The following STK3 variants were observed in gnomAD, a reference collection of about 807,000 sequenced individuals.
The protein encoded by STK3 is serine/threonine-protein kinase 3.
In STK3, 41 loss-of-function variants were observed where a neutral mutation model predicts 58.0. That is an observed-to-expected ratio of 0.71 (90% CI 0.55 to 0.92). The LOEUF (loss-of-function observed/expected upper bound fraction) is 0.92. Ranked by LOEUF, STK3 falls within the 40% of genes least tolerant of loss-of-function variation. STK3 has a pLI of 0.00. For synonymous variants in STK3, 170 were observed against 191.0 expected, an observed-to-expected ratio of 0.89 and a Z score of 0.91; for missense variants, 479 against 602.7, an observed-to-expected ratio of 0.79 and a Z score of 2.15.
intron 4 of STK3, among the ~76,000 whole-genome samples, chr8:98,745,823 A>G (rs1411270417): frequency 1.3e-5 from 2 of 152,220 alleles, no homozygotes; most frequent in African/African-American, 2.4e-5. Flanking sequence ...ACCTGACAAC[A>G]TGGATACATT....
At chr8:98,655,329 T>G (rs1464198793) in intron 6 of STK3, among the ~76,000 whole-genome samples, 1 of 152,150 alleles carries the variant, frequency 6.6e-6, no homozygotes, top group East Asian at 1.9e-4. Flanking sequence ...TATACAAAAA[T>G]TAATTCAAGA....
chr8:98,541,152 T>C (rs565242534), intron 9 of STK3, among the ~76,000 whole-genome samples: 2 of 152,278 alleles, frequency 1.3e-5, no homozygotes, highest in East Asian at 3.9e-4. Flanking sequence ...AGGCTTTCCA[T>C]TGATTTTCTT....
chr8:98,609,261 T>G (rs1008005677), intron 6 of STK3, among the ~76,000 whole-genome samples: 2 of 152,252 alleles, frequency 1.3e-5, no homozygotes, highest in African/African-American at 4.8e-5. Context: ...ATATTTTAAA[T>G]GTTAAATAAG....
chr8:98,769,454 T>C (rs1423086105), intron 2 of STK3, among the ~76,000 whole-genome samples: 1 of 152,222 alleles, frequency 6.6e-6, no homozygotes, highest in Non-Finnish European at 1.5e-5. Flanking sequence ...CCATGTACGA[T>C]GTGACCTGAT....
chr8:98,626,579 T>C (rs1294933879), intron 6 of STK3, among the ~76,000 whole-genome samples: 1 of 152,124 alleles, frequency 6.6e-6, no homozygotes, highest in Non-Finnish European at 1.5e-5. Context: ...AGGTCAGGGG[T>C]AAGAAGGGGA....
At chr8:98,382,744 C>G (rs1209379161) in intron 1 of STK3, among the ~76,000 whole-genome samples, 1 of 152,196 alleles carries the variant, frequency 6.6e-6, no homozygotes, top group Non-Finnish European at 1.5e-5. Context: ...ACCGTCCACT[C>G]CAGCGGCCAC....
upstream of STK3, among the ~76,000 whole-genome samples, chr8:98,827,193 G>C (rs540674373): frequency 4.0e-5 from 6 of 148,768 alleles, no homozygotes; most frequent in African/African-American, 1.2e-4. Context: ...AAAGTTAGCC[G>C]GGCCTGGTGA....
intron 7 of STK3, among the ~76,000 whole-genome samples, chr8:98,591,130 A>G (rs1239372996): frequency 1.3e-5 from 2 of 152,158 alleles, no homozygotes; most frequent in African/African-American, 4.8e-5. Context: ...TGGAATTCTG[A>G]TATTTGATAT....
At chr8:98,358,083 C>T in the STK3 span, among the ~76,000 whole-genome samples, 12 of 152,174 alleles carry the variant, frequency 7.9e-5, no homozygotes, top group African/African-American at 1.4e-4. Context: ...GGCAGAGATG[C>T]TATCAGGTTT....
At chr8:98,792,808 C>A (rs1208976319) in intron 1 of STK3, among the ~76,000 whole-genome samples, 1 of 152,266 alleles carries the variant, frequency 6.6e-6, no homozygotes, top group South Asian at 2.1e-4. Context: ...GACACTTGCA[C>A]GCAAGTTTAT....
chr8:98,400,116 T>C (rs1032130389), downstream of STK3, among the ~76,000 whole-genome samples: 3 of 152,112 alleles, frequency 2.0e-5, no homozygotes, highest in African/African-American at 7.2e-5. Flanking sequence ...TGCTCAGGGA[T>C]TCCAGGTCTG....
chr8:98,595,797 A>G, intron 7 of STK3: 1 of 393,866 alleles, frequency 2.5e-6, no homozygotes, highest in Non-Finnish European at 4.6e-6. Flanking sequence ...AATAGTAACT[A>G]TGAAGACAAA....
chr8:98,625,866 C>CT (rs926899470), intron 6 of STK3, among the ~76,000 whole-genome samples: 2 of 152,156 alleles, frequency 1.3e-5, no homozygotes, highest in Non-Finnish European at 2.9e-5. Flanking sequence ...CTTAAGGGTA[C>CT]TTTTTAGGTG....
intron 1 of STK3, among the ~76,000 whole-genome samples, chr8:98,785,480 C>T (rs985968308): frequency 6.6e-6 from 1 of 152,174 alleles, no homozygotes; most frequent in African/African-American, 2.4e-5. Flanking sequence ...TCTCCCTATG[C>T]GCTGACACTT....
chr8:98,923,094 A>G (rs979320357), intron 1 of STK3, among the ~76,000 whole-genome samples: 1 of 152,256 alleles, frequency 6.6e-6, no homozygotes, highest in Non-Finnish European at 1.5e-5. Context: ...TTAAATTAAA[A>G]AGAAATGTGG....
chr8:98,500,301 G>A (rs1823474980), intron 10 of STK3, among the ~76,000 whole-genome samples: 2 of 152,308 alleles, frequency 1.3e-5, no homozygotes, highest in South Asian at 4.1e-4. Flanking sequence ...GGAGGCCGAG[G>A]CAGGTGGATC....
At chr8:98,573,513 C>T (rs1221157578) in intron 8 of STK3, among the ~76,000 whole-genome samples, 2 of 152,112 alleles carry the variant, frequency 1.3e-5, no homozygotes, top group Non-Finnish European at 1.5e-5. Flanking sequence ...CCTCCCATGA[C>T]GCGTGAGGAA....
intron 3 of STK3, among the ~76,000 whole-genome samples, chr8:98,763,115 T>C (rs912573457): frequency 3.3e-5 from 5 of 152,242 alleles, no homozygotes; most frequent in Non-Finnish European, 7.3e-5. Context: ...TTCTACTCAA[T>C]TCTTCAGTGA....
At chr8:98,376,214 T>C (rs1817673062) in intron 2 of STK3, among the ~76,000 whole-genome samples, 1 of 152,272 alleles carries the variant, frequency 6.6e-6, no homozygotes, top group Non-Finnish European at 1.5e-5. Context: ...GTCATTTTTA[T>C]TTCCACTTTG....
Sources: gnomAD v4.1 joint callset for allele counts (sites outside exome capture counted in the v4.1 genomes callset) on GRCh38, gnomAD v4.1.1 for gene constraint, MANE v1.5 for transcripts, NCBI Gene and HGNC (gene_info 2026-07-23, HGNC 2026-07-21) for gene names.